The following RIGI variants were observed in gnomAD, a reference collection of about 807,000 sequenced individuals.
RIGI encodes RNA sensor RIG-I.
the RIGI span, chr9:32,455,738 G>A: frequency 6.6e-6 from 1 of 152,096 alleles, no homozygotes; most frequent in Non-Finnish European, 1.5e-5. Flanking sequence ...TTGGGTCTTA[G>A]TAAGAATACT....
chr9:32,517,532 A>T, the RIGI span, among the ~76,000 whole-genome samples: 3 of 152,256 alleles, frequency 2.0e-5, no homozygotes, highest in Admixed American at 2.0e-4. Flanking sequence ...AGCTGTCTTT[A>T]AAATTATTGG....
At chr9:32,484,451 G>A in the RIGI span, among the ~76,000 whole-genome samples, 1 of 152,150 alleles carries the variant, frequency 6.6e-6, no homozygotes, top group Non-Finnish European at 1.5e-5. Context: ...TACCTGCCAA[G>A]GCTGCTTCTA....
At chr9:32,483,957 T>C in the RIGI span, among the ~76,000 whole-genome samples, 1 of 152,276 alleles carries the variant, frequency 6.6e-6, no homozygotes, top group South Asian at 2.1e-4. Context: ...AGACTAGAAA[T>C]GCCCTGAGGC....
chr9:32,457,647 C>T, the RIGI span, among the ~76,000 whole-genome samples: 7 of 152,060 alleles, frequency 4.6e-5, no homozygotes, highest in African/African-American at 1.7e-4. Context: ...AGTGAGGACA[C>T]TGGGCACCTC....
the RIGI span, among the ~76,000 whole-genome samples, chr9:32,460,289 C>G: frequency 6.6e-6 from 1 of 152,142 alleles, no homozygotes; most frequent in African/African-American, 2.4e-5. Flanking sequence ...TGAAAACAGA[C>G]TAATACAGCC....
chr9:32,489,561 T>C, the RIGI span: 2 of 548,520 alleles, frequency 3.6e-6, no homozygotes. Flanking sequence ...AGATCCTCAT[T>C]GGAGAAAGTT....
the RIGI span, among the ~76,000 whole-genome samples, chr9:32,497,876 G>C: frequency 1.3e-5 from 2 of 152,264 alleles, no homozygotes; most frequent in Non-Finnish European, 2.9e-5. Flanking sequence ...GCTCCAGCTA[G>C]GACTTCCAAT....
At chr9:32,472,665 A>G in the RIGI span, among the ~76,000 whole-genome samples, 2 of 152,078 alleles carry the variant, frequency 1.3e-5, no homozygotes, top group Non-Finnish European at 2.9e-5. Flanking sequence ...CTTCCTGACT[A>G]CCTGCCCTAC....
chr9:32,504,038 AACACACACACAC>A, the RIGI span, among the ~76,000 whole-genome samples: 2 of 135,666 alleles, frequency 1.5e-5, no homozygotes, highest in Non-Finnish European at 1.6e-5. Flanking sequence ...CAAGACTCCA[AACACACACACAC>A]ACACACACAC....
the RIGI span, among the ~76,000 whole-genome samples, chr9:32,467,533 T>C: frequency 6.6e-6 from 1 of 152,172 alleles, no homozygotes; most frequent in Non-Finnish European, 1.5e-5. Context: ...TCCATAAATA[T>C]ATCAGTCAAT....
At chr9:32,488,135 T>C in the RIGI span, 1 of 1,614,158 alleles carries the variant, frequency 6.2e-7, no homozygotes, top group South Asian at 1.1e-5. Context: ...GATGATGTCA[T>C]TGTTCTCAAC....
the RIGI span, chr9:32,481,207 T>G: frequency 1.1e-6 from 1 of 874,426 alleles, no homozygotes; most frequent in South Asian, 2.1e-5. Context: ...GTTTGCTTCA[T>G]AAGAACTTTC....
At chr9:32,521,037 A>T in the RIGI span, among the ~76,000 whole-genome samples, 3 of 147,686 alleles carry the variant, frequency 2.0e-5, no homozygotes, top group African/African-American at 5.0e-5. Flanking sequence ...CCCAGCTACT[A>T]GGGAGGTTGA....
At chr9:32,478,989 A>T in the RIGI span, among the ~76,000 whole-genome samples, 1 of 152,362 alleles carries the variant, frequency 6.6e-6, no homozygotes, top group South Asian at 2.1e-4. Context: ...ACTATTATAC[A>T]GTTCAGCAAA....
chr9:32,467,340 G>A, the RIGI span, among the ~76,000 whole-genome samples: 1 of 152,100 alleles, frequency 6.6e-6, no homozygotes, highest in African/African-American at 2.4e-5. Flanking sequence ...CTGTACTTAT[G>A]GAATTTTAAG....
chr9:32,471,868 T>A, the RIGI span, among the ~76,000 whole-genome samples: 866 of 152,268 alleles, frequency 5.7e-3, 7 homozygotes, highest in African/African-American at 0.016. Context: ...CTTTTTAAGA[T>A]CTGAATCTAC....
chr9:32,508,745 G>C, the RIGI span, among the ~76,000 whole-genome samples: 1 of 151,970 alleles, frequency 6.6e-6, no homozygotes, highest in African/African-American at 2.4e-5. Context: ...ATGCCAGCAA[G>C]ACAGAACCAT....
chr9:32,492,178 G>GT, the RIGI span, among the ~76,000 whole-genome samples: 707 of 152,248 alleles, frequency 4.6e-3, 3 homozygotes, highest in African/African-American at 0.016. Flanking sequence ...GATGAGAGTG[G>GT]TTTTCCCCAG....
the RIGI span, among the ~76,000 whole-genome samples, chr9:32,521,161 A>AAAAAAAAAAC: frequency 1.1e-4 from 17 of 150,744 alleles, no homozygotes; most frequent in African/African-American, 4.1e-4. Flanking sequence ...AAAAAAAAAA[A>AAAAAAAAAAC]ACTTCACAGA....
Sources: allele counts gnomAD v4.1 joint callset (sites outside exome capture counted in the v4.1 genomes callset), GRCh38; gene constraint gnomAD v4.1.1; transcripts MANE v1.5; gene names NCBI Gene and HGNC (gene_info 2026-07-23, HGNC 2026-07-21).